FUT8: variants seen among roughly 807,000 people sequenced by gnomAD.
FUT8 encodes fucosyltransferase 8, also known as alpha-(1,6)-fucosyltransferase.
A neutral mutation model predicts 71.3 loss-of-function variants in FUT8; 29 were observed. The observed-to-expected ratio is 0.41, with a 90% CI of 0.30 to 0.55. The LOEUF (loss-of-function observed/expected upper bound fraction) is 0.55, where lower values mean the gene tolerates loss of function less well. FUT8 is among the 20% of genes least tolerant of loss of function. The pLI is 0.34. For missense variants in FUT8, 544 were observed against 702.1 expected, an observed-to-expected ratio of 0.77 and a Z score of 2.55; for synonymous variants, 254 against 239.3, an observed-to-expected ratio of 1.06 and a Z score of -0.57.
At chr14:65,566,627 AAC>A (rs1004779390) in intron 3 of FUT8, among the ~76,000 whole-genome samples, 6 of 151,944 alleles carry the variant, frequency 3.9e-5, no homozygotes, top group Non-Finnish European at 5.9e-5. Context: ...TTTCTTGGGA[AAC>A]TCTTAAAGTA....
intron 6 of FUT8, among the ~76,000 whole-genome samples, chr14:65,654,327 G>T (rs72716418): frequency 5.3e-5 from 8 of 152,082 alleles, no homozygotes; most frequent in African/African-American, 1.9e-4. Context: ...GGTGGAGCAC[G>T]CCTGTAATCC....
upstream of FUT8, chr14:65,410,832 G>A (rs1240508459): frequency 6.6e-6 from 1 of 151,750 alleles, no homozygotes; most frequent in Non-Finnish European, 1.5e-5. Flanking sequence ...AGGCTGAAGT[G>A]GCTACTGACA....
intron 7 of FUT8, among the ~76,000 whole-genome samples, chr14:65,674,887 T>C (rs1218906499): frequency 6.6e-6 from 1 of 152,200 alleles, no homozygotes; most frequent in Admixed American, 6.5e-5. Context: ...TTCTAGTAGG[T>C]TTCTCTGCCC....
At chr14:65,431,159 C>A (rs1566742570) in intron 1 of FUT8, among the ~76,000 whole-genome samples, 1 of 133,740 alleles carries the variant, frequency 7.5e-6, no homozygotes. Flanking sequence ...CTATACCCGG[C>A]TAATTTTTTT....
intron 5 of FUT8, among the ~76,000 whole-genome samples, chr14:65,622,344 G>A (rs1889659755): frequency 6.6e-6 from 1 of 152,098 alleles, no homozygotes; most frequent in Admixed American, 6.6e-5. Flanking sequence ...ACTTTACCTA[G>A]TGCGTGACAC....
chr14:65,411,224 T>G (rs940233359), upstream of FUT8: 2 of 152,238 alleles, frequency 1.3e-5, no homozygotes, highest in African/African-American at 4.8e-5. Flanking sequence ...TAGAACATAA[T>G]TCTGGCTCTG....
At chr14:65,533,086 A>G (rs1884065322) in intron 2 of FUT8, among the ~76,000 whole-genome samples, 1 of 152,168 alleles carries the variant, frequency 6.6e-6, no homozygotes, top group South Asian at 2.1e-4. Flanking sequence ...GTTGGGTAGC[A>G]TGATGCCTCC....
intron 2 of FUT8, among the ~76,000 whole-genome samples, chr14:65,535,196 T>C (rs1325813098): frequency 6.6e-6 from 1 of 151,990 alleles, no homozygotes; most frequent in Non-Finnish European, 1.5e-5. Context: ...GCCTCCCAGG[T>C]TCAAGCGATT....
At chr14:65,365,095 T>G in the FUT8 span, among the ~76,000 whole-genome samples, 1 of 152,228 alleles carries the variant, frequency 6.6e-6, no homozygotes, top group Non-Finnish European at 1.5e-5. Flanking sequence ...TATTCTCCCC[T>G]TATTTGGCCA....
rs375723433 is a variant in FUT8 at position 65,544,576 on chromosome 14, T to C, written c.-227-16761T>C. On this transcript the variant is annotated intron_variant, in intron 2 of 10. Transcript: ENST00000673929. ...AAGGTACAGATGGCAAGTCCAGATTTCTAGACCCATTTGAGTAGTTAATTG... is the reference window on the plus strand; with the variant it reads ...AAGGTACAGATGGCAAGTCCAGATTCCTAGACCCATTTGAGTAGTTAATTG... 3.5e-4 allele frequency among the ~76,000 whole-genome samples: 53 copies of C among 152,272 alleles called. No individual in the cohort carries two copies. The East Asian group carries it at 9.4e-3, about 27-fold the overall frequency.
chr14:65,411,176 T>C (rs919761318), upstream of FUT8: 1 of 152,234 alleles, frequency 6.6e-6, no homozygotes, highest in Non-Finnish European at 1.5e-5. Context: ...CAAATTGTTA[T>C]TGAATTATTT....
At chr14:65,429,998 C>G (rs944207607) in intron 1 of FUT8, among the ~76,000 whole-genome samples, 1 of 146,012 alleles carries the variant, frequency 6.8e-6, no homozygotes, top group Non-Finnish European at 1.5e-5. Flanking sequence ...GGTGACTGTT[C>G]TTATTGCAAG....
rs1228373136 is a variant in FUT8, at chr14:65,743,259, T to C, written c.*849T>C. 2 of 152,008 alleles carry C rather than the reference T, an allele frequency of 1.3e-5. No individual in the cohort carries two copies. Among genetic ancestry groups the C allele is most frequent in the African/African-American group, 2.4e-5 (1 of 41,412 alleles). 9.4% of individuals were successfully genotyped at this position (152,008 alleles called of 1,614,324 possible). On this transcript the variant is annotated 3_prime_UTR_variant, in exon 11 of 11. Transcript: ENST00000673929. ...TTTTCAGCTTATTTACTTTGTTTTTTTTCCTGTTTCTGATATAGTAACTAA... is the reference window on the plus strand; with the variant it reads ...TTTTCAGCTTATTTACTTTGTTTTTCTTCCTGTTTCTGATATAGTAACTAA...
chr14:65,442,867 T>A (rs2139495423), intron 1 of FUT8, among the ~76,000 whole-genome samples: 1 of 150,042 alleles, frequency 6.7e-6, no homozygotes, highest in African/African-American at 2.4e-5. Flanking sequence ...AGGGGCATCC[T>A]ACAAGGAAAC....
intron 2 of FUT8, among the ~76,000 whole-genome samples, chr14:65,466,213 G>T (rs1208189326): frequency 6.6e-5 from 10 of 152,114 alleles, no homozygotes; most frequent in African/African-American, 2.4e-4. Flanking sequence ...GTAGGGTCTT[G>T]TCGTTTGATT....
chr14:65,523,659 C>T (rs1446433116), intron 2 of FUT8, among the ~76,000 whole-genome samples: 1 of 152,160 alleles, frequency 6.6e-6, no homozygotes, highest in Non-Finnish European at 1.5e-5. Flanking sequence ...ATGCCTATAT[C>T]CTAAATGGTA....
At chr14:65,510,725 T>A (rs939005367) in intron 2 of FUT8, among the ~76,000 whole-genome samples, 2 of 152,194 alleles carry the variant, frequency 1.3e-5, no homozygotes, top group Admixed American at 1.3e-4. Flanking sequence ...TATTTGCTAG[T>A]AGTAGCCACT....
intron 7 of FUT8, among the ~76,000 whole-genome samples, chr14:65,697,591 A>G (rs1044692269): frequency 1.3e-5 from 2 of 152,222 alleles, no homozygotes; most frequent in African/African-American, 4.8e-5. Context: ...AACTGAAGAA[A>G]AGTACAATTA....
chr14:65,452,862 C>CT (rs1052726147), intron 1 of FUT8, among the ~76,000 whole-genome samples: 1 of 152,116 alleles, frequency 6.6e-6, no homozygotes, highest in Non-Finnish European at 1.5e-5. Context: ...CAACTTGGGT[C>CT]TTTTTTGTCT....
Sources: allele counts gnomAD v4.1 joint callset (sites outside exome capture counted in the v4.1 genomes callset), GRCh38; gene constraint gnomAD v4.1.1; transcripts MANE v1.5; gene names NCBI Gene and HGNC (gene_info 2026-07-23, HGNC 2026-07-21).